The following XIRP2 variants were observed in gnomAD, a reference collection of about 807,000 sequenced individuals.
The protein encoded by XIRP2 is xin actin binding repeat containing 2.
A neutral mutation model predicts 277.0 loss-of-function variants in XIRP2; 236 were observed. The ratio of observed to expected loss-of-function variants is 0.85; its 90% CI spans 0.77 to 0.95. The LOEUF (loss-of-function observed/expected upper bound fraction) is 0.95. Ranked by LOEUF, XIRP2 falls within the 40% of genes least tolerant of loss-of-function variation. XIRP2 has a pLI of 0.00. For missense variants in XIRP2, 4,640 were observed against 4,157.5 expected, an observed-to-expected ratio of 1.12 and a Z score of -3.19; for synonymous variants, 1,490 against 1,416.5, an observed-to-expected ratio of 1.05 and a Z score of -1.17.
chr2:167,245,835 T>A lies in XIRP2; in HGVS notation c.4443T>A (p.Asp1481Glu). The A allele has an allele frequency of 6.2e-7, 1 of 1,613,748 alleles. No homozygotes were observed. The highest frequency in any genetic ancestry group is 8.5e-7 in the Non-Finnish European group (1 of 1,179,784). ...YENIKTVTQE[D>E]VQKGDVKQAV... ...ATATCAAGACAGTCACTCAGGAAGATGTGCAGAAAGGTGATGTTAAGCAGG... is the reference window on the plus strand; with the variant it reads ...ATATCAAGACAGTCACTCAGGAAGAAGTGCAGAAAGGTGATGTTAAGCAGG... Residue 1481 changes from aspartate to glutamate, a missense_variant, in exon 9 of 11, where the codon GAT becomes GAA. Physicochemically the swap from Asp to Glu is conservative, Grantham distance 45. Transcript: ENST00000409195.
Position 167,251,591 on chromosome 2 carries a change from A to C in XIRP2, c.10199A>C (p.Lys3400Thr), listed in dbSNP as rs887942323. The C allele has an allele frequency of 6.2e-7, 1 of 1,613,490 alleles. No homozygotes were observed. The highest frequency in any genetic ancestry group is 1.7e-5 in the Admixed American group (1 of 59,962). The stretch of plus-strand genomic sequence containing the variant: ...AAACATCCTAGAGAACTGCGAGAAA[A>C]GATTCCTGTTAAGCAGCCCAGGATC... Reference protein sequence around the residue: ...SCKHPRELREKIPVKQPRICS... With the variant: ...SCKHPRELRETIPVKQPRICS... The change falls in exon 9 of 11, where the codon AAG (lysine) becomes ACG (threonine). Residue 3400 changes from lysine (K) to threonine (T), a missense_variant. Transcript: ENST00000409195.
intron 3 of XIRP2, among the ~76,000 whole-genome samples, chr2:167,160,787 G>T (rs778874619): frequency 2.0e-5 from 3 of 151,994 alleles, no homozygotes; most frequent in Non-Finnish European, 1.5e-5. Context: ...TTCAAAACCA[G>T]TGCCTTCCCA....
intron 1 of XIRP2, among the ~76,000 whole-genome samples, chr2:166,897,712 G>C (rs1340451070): frequency 6.6e-6 from 1 of 152,112 alleles, no homozygotes; most frequent in Non-Finnish European, 1.5e-5. Context: ...GCCCATGGGA[G>C]AGCAGGAAGC....
At chr2:166,962,441 G>A (rs1189427837) in intron 2 of XIRP2, among the ~76,000 whole-genome samples, 1 of 151,662 alleles carries the variant, frequency 6.6e-6, no homozygotes, top group African/African-American at 2.4e-5. Flanking sequence ...TTTACATCAA[G>A]ATTGATTTGT....
rs1356633915 is a variant in XIRP2 at position 167,248,489 on chromosome 2, C to T, written c.7097C>T (p.Pro2366Leu). 5.0e-6 allele frequency: 8 copies of T among 1,610,314 alleles called. No homozygotes were observed. The African/African-American group carries it at 1.1e-4, about 22-fold the overall frequency. ...ERESSSMFLP[P>L]PPPPTPSQKP... The stretch of plus-strand genomic sequence containing the variant: ...GAAAGTTCATCGATGTTTCTGCCGC[C>T]TCCTCCTCCTCCAACTCCATCTCAA... The change falls in exon 9 of 11, where the codon CCT becomes CTT. Residue 2366 changes from proline to leucine, a missense_variant. Transcript: ENST00000409195.
At chr2:166,995,409 C>T (rs1457014761) in intron 2 of XIRP2, among the ~76,000 whole-genome samples, 1 of 152,142 alleles carries the variant, frequency 6.6e-6, no homozygotes, top group Non-Finnish European at 1.5e-5. Context: ...ACTGAAGGTT[C>T]CACGGAGAAT....
At chr2:166,982,316 G>GTT (rs756521659) in intron 2 of XIRP2, among the ~76,000 whole-genome samples, 3 of 122,924 alleles carry the variant, frequency 2.4e-5, no homozygotes, top group Non-Finnish European at 3.3e-5. Flanking sequence ...TTTAGGTACA[G>GTT]TTTTTTTTTT....
intron 2 of XIRP2, among the ~76,000 whole-genome samples, chr2:167,047,942 A>C (rs1688826576): frequency 6.6e-6 from 1 of 152,016 alleles, no homozygotes; most frequent in South Asian, 2.1e-4. Context: ...CTAGATAACC[A>C]AACCAAACTC....
chr2:167,082,728 G>A (rs1220207825), intron 2 of XIRP2, among the ~76,000 whole-genome samples: 2 of 152,148 alleles, frequency 1.3e-5, no homozygotes, highest in Non-Finnish European at 2.9e-5. Flanking sequence ...TTTTTTGGCT[G>A]CATAAATGTC....
intron 2 of XIRP2, among the ~76,000 whole-genome samples, chr2:167,101,418 C>T (rs980244577): frequency 6.6e-6 from 1 of 152,132 alleles, no homozygotes; most frequent in Non-Finnish European, 1.5e-5. Flanking sequence ...GTGCACCCAT[C>T]ACCCAAACAG....
rs772728975 is a variant in XIRP2, at chr2:167,258,970, G to C, written c.*1153G>C. 2 of 1,612,280 alleles carry C rather than the reference G, an allele frequency of 1.2e-6. No homozygotes were observed. The highest frequency in any genetic ancestry group is 1.7e-6 in the Non-Finnish European group (2 of 1,179,134). ...GCCTCAGCAGAGGCCTTATGGTAAA[G>C]GGGGGAAGTTCAATCATCTCTCCTG... On this transcript the variant is annotated 3_prime_UTR_variant, in exon 11 of 11. Coordinates refer to ENST00000409195, the MANE Select transcript of XIRP2 (RefSeq NM_152381.6).
At chr2:167,051,229 G>A (rs13017352) in intron 2 of XIRP2, among the ~76,000 whole-genome samples, 42,724 of 151,958 alleles carry the variant, frequency 0.28, 6,882 homozygotes, top group African/African-American at 0.44. Context: ...GTCACATCTT[G>A]GAACATGTAA....
chr2:167,195,558 T>C (rs761485675), intron 3 of XIRP2, among the ~76,000 whole-genome samples: 1 of 152,302 alleles, frequency 6.6e-6, no homozygotes, highest in East Asian at 1.9e-4. Context: ...TCACAGCATC[T>C]GTGAAAAGAT....
chr2:167,039,698 A>G (rs1027738165), intron 2 of XIRP2, among the ~76,000 whole-genome samples: 1 of 152,240 alleles, frequency 6.6e-6, no homozygotes, highest in Non-Finnish European at 1.5e-5. Context: ...GTCTTATACA[A>G]TGTCACACTA....
intron 2 of XIRP2, among the ~76,000 whole-genome samples, chr2:166,919,360 A>G (rs1281156624): frequency 6.6e-6 from 1 of 152,188 alleles, no homozygotes; most frequent in Non-Finnish European, 1.5e-5. Flanking sequence ...ATGGTACTTA[A>G]TAGTGTACTA....
In XIRP2 at chr2:167,251,220, A is replaced by C; in HGVS notation, c.9828A>C (p.Gly3276=). 6.2e-7 allele frequency: 1 copy of C among 1,613,568 alleles called. No homozygotes were observed. The highest frequency in any genetic ancestry group is 8.5e-7 in the Non-Finnish European group (1 of 1,179,710). ...GAGCTACTTATGTTCATAAAGATGGACTAAATTCCACTGATCACATGGTGC... is the reference window on the plus strand; with the variant it reads ...GAGCTACTTATGTTCATAAAGATGGCCTAAATTCCACTGATCACATGGTGC... The part of the protein sequence containing the change: ...EKRATYVHKD[G]LNSTDHMVPD... Residue 3276 remains glycine, a synonymous_variant, in exon 9 of 11, where the codon GGA becomes GGC. Coordinates refer to ENST00000409195, the MANE Select transcript of XIRP2 (RefSeq NM_152381.6).
At position 166,903,675 on chromosome 2, in the gene XIRP2, A is replaced by G. The variant is rs1297362168; in HGVS notation, c.193A>G (p.Ser65Gly). The G allele has an allele frequency of 6.2e-7, 1 of 1,613,670 alleles. No homozygotes were observed. The highest frequency in any genetic ancestry group is 1.7e-5 in the Admixed American group (1 of 59,906). ...TTTGGATCCCACAAGTCTGCCCTAC[A>G]GTACAGGGGAAGAGATGTGGAGTTC... ...QSLDPTSLPY[S>G]TGEEMWSSKP... is the part of the protein sequence containing the mutation. Residue 65 changes from serine to glycine, a missense_variant, in exon 2 of 11, where the codon AGT becomes GGT. Ser to Gly is a moderately conservative substitution (Grantham distance 56). Coordinates refer to ENST00000409195, the MANE Select transcript of XIRP2 (RefSeq NM_152381.6).
At chr2:167,133,210 C>T (rs1010256184) in intron 2 of XIRP2, among the ~76,000 whole-genome samples, 2 of 152,154 alleles carry the variant, frequency 1.3e-5, no homozygotes. Context: ...GATTTTTACT[C>T]AAAGTAAATC....
At chr2:166,955,067 A>G (rs770400140) in intron 2 of XIRP2, among the ~76,000 whole-genome samples, 1 of 151,910 alleles carries the variant, frequency 6.6e-6, no homozygotes, top group African/African-American at 2.4e-5. Context: ...CCCGGAACTT[A>G]TAAAATAAAA....
Sources: gnomAD v4.1 joint callset for allele counts (sites outside exome capture counted in the v4.1 genomes callset) on GRCh38, gnomAD v4.1.1 for gene constraint, MANE v1.5 for transcripts, NCBI Gene and HGNC (gene_info 2026-07-23, HGNC 2026-07-21) for gene names.